The following HERC1 variants were observed in gnomAD, a reference collection of about 807,000 sequenced individuals.
The protein encoded by HERC1 is probable E3 ubiquitin-protein ligase HERC1.
Under a neutral mutation model 554.3 loss-of-function variants are expected in HERC1, and 160 were observed. The ratio of observed to expected loss-of-function variants is 0.29; its 90% CI spans 0.25 to 0.33. The LOEUF (loss-of-function observed/expected upper bound fraction) is 0.33. Among genes scored for constraint, HERC1 ranks in the 10% least tolerant of loss-of-function variants. HERC1 has a pLI of 1.00. For synonymous variants in HERC1, 2,175 were observed against 2,131.7 expected (o/e 1.02, Z -0.56); for missense variants, 4,919 against 5,918.5 (o/e 0.83, Z 5.54).
chr15:63,713,292 A>G, intron 23 of HERC1, 61 bp downstream of exon 23: 1 of 1,352,376 alleles, frequency 7.4e-7, no homozygotes, highest in Non-Finnish European at 1.0e-6. Context: ...AAACCATTTC[A>G]GTGCATAAAG....
intron 6 of HERC1, 142 bp from the exon 7 acceptor site, chr15:63,754,790 A>G: frequency 1.2e-6 from 1 of 816,606 alleles, no homozygotes; most frequent in Non-Finnish European, 1.9e-6. Context: ...AAACACAATC[A>G]TTTCTAACAT....
At chr15:63,781,247 C>T (rs1429191890) in intron 1 of HERC1, among the ~76,000 whole-genome samples, 1 of 151,978 alleles carries the variant, frequency 6.6e-6, no homozygotes, top group Non-Finnish European at 1.5e-5. Context: ...TACAGCCATA[C>T]CTCATTTATT....
At chr15:63,791,674 A>G (rs2076657596) in intron 1 of HERC1, among the ~76,000 whole-genome samples, 1 of 152,198 alleles carries the variant, frequency 6.6e-6, no homozygotes, top group Non-Finnish European at 1.5e-5. Flanking sequence ...TTCAGTTCTA[A>G]AACACTTAAA....
intron 74 of HERC1, among the ~76,000 whole-genome samples, chr15:63,616,884 C>A (rs1595822216): frequency 6.6e-6 from 1 of 152,160 alleles, no homozygotes; most frequent in African/African-American, 2.4e-5. Flanking sequence ...TCAAAAGCCA[C>A]ATGTGGACCG....
intron 67 of HERC1, among the ~76,000 whole-genome samples, chr15:63,633,565 T>C (rs377589654): frequency 3.3e-5 from 5 of 152,338 alleles, no homozygotes; most frequent in African/African-American, 1.2e-4. Flanking sequence ...GATATGTTTC[T>C]AACTATTTCT....
rs774657002 is a variant in HERC1, at chr15:63,661,958, C to A, written c.8965G>T (p.Val2989Phe). 9 of 1,613,842 alleles carry A rather than the reference C, an allele frequency of 5.6e-6. No individual in the cohort carries two copies. The Admixed American group carries it at 8.3e-5, about 15-fold the overall frequency. ...CTCTTCATGTGCTGATTGAAGCTGA[C>A]GACGCTGCATTCACACAGTTCACAC... ...VVCELCECSV[V>F]SFNQHMKRNH... The change falls in exon 45 of 78, where the codon GTC becomes TTC. Residue 2989 changes from valine (V) to phenylalanine (F), a missense_variant. Val to Phe is a conservative substitution (Grantham distance 50). Transcript: ENST00000443617.
intron 2 of HERC1, among the ~76,000 whole-genome samples, chr15:63,769,780 C>T (rs1399928991): frequency 6.6e-6 from 1 of 151,842 alleles, no homozygotes; most frequent in East Asian, 1.9e-4. Context: ...CGCTTGAACC[C>T]GGGAGGTGGA....
At chr15:63,716,930 C>G (rs1460670305) in intron 21 of HERC1, among the ~76,000 whole-genome samples, 1 of 151,750 alleles carries the variant, frequency 6.6e-6, no homozygotes, top group Admixed American at 6.6e-5. Flanking sequence ...AATTTTTTTT[C>G]TTTAACTTTG....
chr15:63,627,964 C>T (rs1292551918), intron 70 of HERC1, among the ~76,000 whole-genome samples: 1 of 152,248 alleles, frequency 6.6e-6, no homozygotes, highest in Non-Finnish European at 1.5e-5. Context: ...AAGTTGACTG[C>T]TGTGCCAATG....
At chr15:63,673,521 A>C (rs781763144) in intron 38 of HERC1, among the ~76,000 whole-genome samples, 11 of 152,250 alleles carry the variant, frequency 7.2e-5, no homozygotes, top group Non-Finnish European at 1.2e-4. Flanking sequence ...CCAGAACCTA[A>C]GAAAGTACCC....
At position 63,725,276 on chromosome 15, in the gene HERC1, C is replaced by T. The variant is rs988349573; in HGVS notation, c.3568+16G>A. On this transcript the variant is annotated intron_variant, in intron 18 of 77. Transcript: ENST00000443617. ...AAACAGGCATGTATTTTAAATGCTG[C>T]AGAGAAGCACATTACCCAATTGAGG... The T allele has an allele frequency of 1.9e-6, 3 of 1,605,174 alleles. No individual in the cohort carries two copies. The highest frequency in any genetic ancestry group is 2.7e-5 in the African/African-American group (2 of 74,862).
intron 51 of HERC1, among the ~76,000 whole-genome samples, chr15:63,652,884 A>G (rs1393546642): frequency 6.6e-6 from 1 of 152,150 alleles, no homozygotes; most frequent in Non-Finnish European, 1.5e-5. Flanking sequence ...GCCTGGCCTC[A>G]AGTGATCCGC....
chr15:63,787,621 C>T (rs1164739884), intron 1 of HERC1, among the ~76,000 whole-genome samples: 1 of 152,042 alleles, frequency 6.6e-6, no homozygotes, highest in Non-Finnish European at 1.5e-5. Context: ...ATTATAGAGC[C>T]AGACTCGGTG....
chr15:63,785,836 C>T (rs1411305744), intron 1 of HERC1, among the ~76,000 whole-genome samples: 3 of 152,032 alleles, frequency 2.0e-5, no homozygotes, highest in Non-Finnish European at 4.4e-5. Context: ...GAGAAAAATT[C>T]AAAAACAACA....
chr15:63,674,548 C>G lies in HERC1; in HGVS notation c.7640G>C (p.Cys2547Ser). 2.5e-6 allele frequency: 4 copies of G among 1,612,866 alleles called. No homozygotes were observed. The highest frequency in any genetic ancestry group is 3.4e-6 in the Non-Finnish European group (4 of 1,179,334). ...VLAENGHNSD[C>S]ASSPVVHEDV... ...TTCATGAACAACTGGAGAACTTGCACAGTCTGAGTTGTGGCCATTTTCAGC... is the reference window on the plus strand; with the variant it reads ...TTCATGAACAACTGGAGAACTTGCAGAGTCTGAGTTGTGGCCATTTTCAGC... Residue 2547 changes from cysteine (C) to serine (S), a missense_variant, in exon 38 of 78, where the codon TGT becomes TCT. Coordinates refer to ENST00000443617, the MANE Select transcript of HERC1 (RefSeq NM_003922.4).
chr15:63,768,646 C>G (rs2075856411), intron 2 of HERC1, among the ~76,000 whole-genome samples: 1 of 152,176 alleles, frequency 6.6e-6, no homozygotes, highest in Admixed American at 6.5e-5. Flanking sequence ...TTTCTAGGAG[C>G]TGGCACCAGG....
At chr15:63,797,379 T>C (rs770395579) in intron 1 of HERC1, among the ~76,000 whole-genome samples, 1 of 152,234 alleles carries the variant, frequency 6.6e-6, no homozygotes, top group Non-Finnish European at 1.5e-5. Flanking sequence ...ATTACTCTTA[T>C]AGAGAAAATC....
intron 1 of HERC1, among the ~76,000 whole-genome samples, chr15:63,812,157 G>C (rs1382350322): frequency 6.6e-6 from 1 of 152,116 alleles, no homozygotes; most frequent in Non-Finnish European, 1.5e-5. Flanking sequence ...AGAAAAGCCA[G>C]ACAGCAAGAT....
chr15:63,626,081 G>C lies in HERC1; in HGVS notation c.13179C>G (p.Ser4393Arg). Reference protein sequence around the residue: ...PPQYGALREVSIHTVRARLRL... With the variant: ...PPQYGALREVRIHTVRARLRL... The stretch of plus-strand genomic sequence containing the variant: ...GGAGCCTGGCCCGCACCGTGTGAAT[G>C]CTGACTTCTCTCAGCGCCCCATACT... The change falls in exon 71 of 78, where the codon AGC becomes AGG. Residue 4393 changes from serine to arginine, a missense_variant. Around this residue, in one of 11 missense-constraint regions of HERC1, gnomAD observed 410 missense variants for 467.0 expected, o/e 0.88. Transcript: ENST00000443617. The C allele has an allele frequency of 6.2e-7, 1 of 1,613,748 alleles. No individual in the cohort carries two copies. The highest frequency in any genetic ancestry group is 8.5e-7 in the Non-Finnish European group (1 of 1,179,782).
Sources: allele counts gnomAD v4.1 joint callset (sites outside exome capture counted in the v4.1 genomes callset), GRCh38; gene constraint gnomAD v4.1.1; regional missense constraint gnomAD v4.1.1; transcripts MANE v1.5; gene names NCBI Gene and HGNC (gene_info 2026-07-23, HGNC 2026-07-21).